The following RAB6A variants were observed in gnomAD, a reference collection of about 807,000 sequenced individuals.
The protein encoded by RAB6A is ras-related protein Rab-6A.
A neutral mutation model predicts 32.3 loss-of-function variants in RAB6A; 8 were observed. The observed-to-expected ratio is 0.25, with a 90% CI of 0.15 to 0.45. The LOEUF is 0.45. Ranked by LOEUF, RAB6A falls within the 20% of genes least tolerant of loss-of-function variation. The pLI is 1.00. For missense variants in RAB6A, 104 were observed against 249.4 expected (o/e 0.42, Z 3.93); for synonymous variants, 73 against 82.1 (o/e 0.89, Z 0.60).
chr11:73,755,641 T>TGCCTATA (rs1374925681), intron 1 of RAB6A, among the ~76,000 whole-genome samples: 1 of 151,902 alleles, frequency 6.6e-6, no homozygotes, highest in African/African-American at 2.4e-5. Flanking sequence ...CAGTGGCATG[T>TGCCTATA]GCCTATAGTC....
intron 1 of RAB6A, among the ~76,000 whole-genome samples, chr11:73,736,907 G>A (rs1946406104): frequency 6.7e-6 from 1 of 148,856 alleles, no homozygotes; most frequent in Admixed American, 6.7e-5. Flanking sequence ...GAGCCCAGGA[G>A]GTCAAAGCTA....
At chr11:73,695,379 G>GTTTTT (rs71469463) in intron 6 of RAB6A, among the ~76,000 whole-genome samples, 3 of 147,180 alleles carry the variant, frequency 2.0e-5, no homozygotes. Context: ...CAGTTTTTTT[G>GTTTTT]TTTTTTTTTT....
intron 6 of RAB6A, among the ~76,000 whole-genome samples, chr11:73,689,999 ACT>A (rs1175537941): frequency 6.6e-6 from 1 of 151,738 alleles, no homozygotes; most frequent in Non-Finnish European, 1.5e-5. Context: ...TTTTGTCAAC[ACT>A]CTGGAGGAGG....
intron 3 of RAB6A, 78 bp from the exon 4 acceptor site, chr11:73,718,796 T>A: frequency 1.2e-6 from 2 of 1,613,810 alleles, no homozygotes; most frequent in Non-Finnish European, 1.7e-6. Flanking sequence ...TGTGATATCG[T>A]AAACTACTAC....
At chr11:73,745,684 TAGTC>T (rs1020151926) in intron 1 of RAB6A, among the ~76,000 whole-genome samples, 28 of 152,044 alleles carry the variant, frequency 1.8e-4, no homozygotes, top group African/African-American at 5.8e-4. Flanking sequence ...TATAAAAACT[TAGTC>T]AGGCATGGTG....
chr11:73,700,609 T>TGGG (rs59223959), intron 6 of RAB6A, among the ~76,000 whole-genome samples: 8 of 28,618 alleles, frequency 2.8e-4, no homozygotes, highest in East Asian at 2.1e-3. Flanking sequence ...AGTGTGTGTG[T>TGGG]GGGGGGGGGG....
At chr11:73,681,712 G>A (rs1318281218) in intron 6 of RAB6A, among the ~76,000 whole-genome samples, 1 of 152,198 alleles carries the variant, frequency 6.6e-6, no homozygotes, top group Non-Finnish European at 1.5e-5. Flanking sequence ...GGGAGGCTGA[G>A]GCAGAAGAAT....
intron 2 of RAB6A, among the ~76,000 whole-genome samples, chr11:73,722,181 T>C (rs1307363460): frequency 6.7e-6 from 1 of 149,572 alleles, no homozygotes; most frequent in Non-Finnish European, 1.5e-5. Context: ...CTAATACATG[T>C]GTCTCCTTTA....
chr11:73,749,295 A>C (rs1030313338), intron 1 of RAB6A, among the ~76,000 whole-genome samples: 1 of 152,160 alleles, frequency 6.6e-6, no homozygotes, highest in Non-Finnish European at 1.5e-5. Context: ...CATTTATATA[A>C]GCGGGAGTTA....
intron 6 of RAB6A, among the ~76,000 whole-genome samples, chr11:73,686,181 A>C (rs115927882): frequency 3.9e-5 from 6 of 152,158 alleles, no homozygotes; most frequent in Non-Finnish European, 7.3e-5. Context: ...TGTCCTCATA[A>C]TATTACAACT....
intron 1 of RAB6A, among the ~76,000 whole-genome samples, chr11:73,742,675 G>A (rs1027910053): frequency 6.6e-6 from 1 of 152,058 alleles, no homozygotes; most frequent in Non-Finnish European, 1.5e-5. Context: ...GCTGGGCGTG[G>A]TAGCACATGC....
chr11:73,749,735 G>T (rs183255733), intron 1 of RAB6A, among the ~76,000 whole-genome samples: 12 of 152,284 alleles, frequency 7.9e-5, no homozygotes, highest in Admixed American at 2.0e-4. Context: ...GGTGGTATGT[G>T]CCTATAGTCC....
At chr11:73,696,616 C>A (rs890595254) in intron 6 of RAB6A, among the ~76,000 whole-genome samples, 20 of 151,898 alleles carry the variant, frequency 1.3e-4, no homozygotes, top group African/African-American at 4.8e-4. Flanking sequence ...TACAGAAGAG[C>A]CAGTGATTTC....
chr11:73,737,451 C>G (rs1009517793), intron 1 of RAB6A, among the ~76,000 whole-genome samples: 1 of 152,104 alleles, frequency 6.6e-6, no homozygotes, highest in African/African-American at 2.4e-5. Context: ...CCACTGCACT[C>G]CAGCCTGGGT....
In RAB6A at chr11:73,680,665, G is replaced by A. The variant is rs149684648; in HGVS notation, c.496-945C>T. Among the ~76,000 whole-genome samples, 75 of 152,210 alleles carry A rather than the reference G, an allele frequency of 4.9e-4. 1 individual carries two copies. In the East Asian group the frequency reaches 0.014, roughly 28 times the overall value. On this transcript the variant is annotated intron_variant, in intron 6 of 7. Coordinates refer to ENST00000336083, the MANE Select transcript of RAB6A (RefSeq NM_198896.2). ...AGACTTCTTCTTGGCGGGGGTGTGG[G>A]GGGGAGAGTTAGGTTCTGAAGTCAG...
intron 1 of RAB6A, among the ~76,000 whole-genome samples, chr11:73,758,611 A>C (rs1413199622): frequency 6.6e-6 from 1 of 152,200 alleles, no homozygotes; most frequent in Non-Finnish European, 1.5e-5. Context: ...AACATACACA[A>C]ATACTCAAGA....
intron 7 of RAB6A, among the ~76,000 whole-genome samples, chr11:73,678,978 G>A (rs1410365974): frequency 1.3e-5 from 2 of 151,960 alleles, no homozygotes; most frequent in African/African-American, 4.8e-5. Context: ...CACCTGCCTT[G>A]GCCTCCCAAA....
intron 1 of RAB6A, among the ~76,000 whole-genome samples, chr11:73,738,818 C>T (rs1039965140): frequency 2.0e-5 from 3 of 151,354 alleles, no homozygotes; most frequent in Non-Finnish European, 4.4e-5. Context: ...GTGGCACACA[C>T]CTGTAGTCCC....
At chr11:73,748,669 T>G in intron 1 of RAB6A, among the ~76,000 whole-genome samples, 1 of 152,222 alleles carries the variant, frequency 6.6e-6, no homozygotes, top group Non-Finnish European at 1.5e-5. Flanking sequence ...TCTATACATT[T>G]AAATTTTTCC....
Sources: allele counts gnomAD v4.1 joint callset (sites outside exome capture counted in the v4.1 genomes callset), GRCh38; gene constraint gnomAD v4.1.1; transcripts MANE v1.5; gene names NCBI Gene and HGNC (gene_info 2026-07-23, HGNC 2026-07-21).